Variants in PIGV observed in about 807,000 individuals in gnomAD.
The protein encoded by PIGV is phosphatidylinositol glycan anchor biosynthesis class V.
A neutral mutation model predicts 39.2 loss-of-function variants in PIGV; 27 were observed. That is an observed-to-expected ratio of 0.69 (90% CI 0.51 to 0.95). PIGV has a LOEUF of 0.95. Among genes scored for constraint, PIGV ranks in the 40% least tolerant of loss-of-function variants. PIGV has a pLI of 0.00. For missense variants in PIGV, 523 were observed against 586.4 expected (o/e 0.89, Z 1.12); for synonymous variants, 232 against 241.7 (o/e 0.96, Z 0.37).
At chr1:26,793,992 A>T in intron 2 of PIGV, 121 bp from the exon 3 acceptor site, 1 of 915,982 alleles carries the variant, frequency 1.1e-6, no homozygotes, top group Non-Finnish European at 1.8e-6. Context: ...TAATCCTCCC[A>T]TCTCAGCCTG....
intron 1 of PIGV, among the ~76,000 whole-genome samples, chr1:26,789,867 T>C (rs1193869842): frequency 6.6e-6 from 1 of 152,244 alleles, no homozygotes; most frequent in Non-Finnish European, 1.5e-5. Flanking sequence ...TGCTTTTGCT[T>C]TCCTTTCAAA....
chr1:26,794,322 G>A lies in PIGV; in HGVS notation c.288G>A (p.Leu96=). The change falls in exon 3 of 4, where the codon CTG becomes CTA. Residue 96 remains leucine, a synonymous_variant. Coordinates refer to ENST00000674202, the MANE Select transcript of PIGV (RefSeq NM_017837.4). ...AFFPGFPLAL[L]VGTELLRPLR... ...TTCCTGGTTTCCCCTTGGCCCTGCT[G>A]GTGGGGACTGAACTGTTGAGACCCT... The A allele has an allele frequency of 6.2e-7, 1 of 1,614,130 alleles. No individual in the cohort carries two copies. The highest frequency in any genetic ancestry group is 1.3e-5 in the African/African-American group (1 of 75,050).
intron 3 of PIGV, among the ~76,000 whole-genome samples, chr1:26,796,084 T>C (rs1444492155): frequency 1.3e-5 from 2 of 151,608 alleles, no homozygotes; most frequent in Non-Finnish European, 2.9e-5. Context: ...GGTCTCGAAA[T>C]CCTGACCTCA....
chr1:26,787,597 G>A (rs1430583661), upstream of PIGV: 1 of 152,306 alleles, frequency 6.6e-6, no homozygotes, highest in Non-Finnish European at 1.5e-5. Context: ...ACAGCAGGAA[G>A]AGCGCGGCTC....
rs757152471 is a variant in PIGV, at chr1:26,794,277, T to G, written c.243T>G (p.Tyr81Ter). 6.2e-7 allele frequency: 1 copy of G among 1,614,250 alleles called. No homozygotes were observed. The highest frequency in any genetic ancestry group is 8.5e-7 in the Non-Finnish European group (1 of 1,180,048). The change falls in exon 3 of 4, where the codon TAT becomes TAG. Residue 81 changes from tyrosine to a stop codon, truncating the protein, a stop_gained. Coordinates refer to ENST00000674202, the MANE Select transcript of PIGV (RefSeq NM_017837.4). LOFTEE classifies it high-confidence loss of function. ...TCATTGCTGAGCATGGCTACCTGTA[T>G]GAGCACAACTTTGCCTTCTTTCCTG... ...FLFIAEHGYLYEHNFAFFPGF... is the reference protein window; with the variant it reads ...FLFIAEHGYL
Position 26,794,217 on chromosome 1 carries a change from C to A in PIGV, c.183C>A (p.Gly61=). Reference sequence around the variant, plus strand: ...ACCAACTCGTGGAAGGTCTTCTGGGCGGCCTGTCTCACTGGGATGCTGAAC... The same window carrying A: ...ACCAACTCGTGGAAGGTCTTCTGGGAGGCCTGTCTCACTGGGATGCTGAAC... ...FVDQLVEGLL[G]GLSHWDAEHF... Residue 61 remains glycine, a synonymous_variant, in exon 3 of 4, where the codon GGC becomes GGA. Transcript: ENST00000674202. 2 of 1,614,188 alleles carry A rather than the reference C, an allele frequency of 1.2e-6. No individual in the cohort carries two copies. The highest frequency in any genetic ancestry group is 1.7e-6 in the Non-Finnish European group (2 of 1,180,038).
chr1:26,794,670 C>T lies in PIGV; in HGVS notation c.636C>T (p.Phe212=). 6.2e-7 allele frequency: 1 copy of T among 1,614,228 alleles called. No homozygotes were observed. Among genetic ancestry groups the T allele is most frequent in the African/African-American group, 1.3e-5 (1 of 75,054 alleles). The change falls in exon 3 of 4, where the codon TTC becomes TTT. Residue 212 remains phenylalanine (F), a synonymous_variant. Coordinates refer to ENST00000674202, the MANE Select transcript of PIGV (RefSeq NM_017837.4). Reference sequence around the variant, plus strand: ...CCAACGGGCTGGTCAGTGTTGGCTTCCTCATGCATTCTCAATGCCAAGGCT... The same window carrying T: ...CCAACGGGCTGGTCAGTGTTGGCTTTCTCATGCATTCTCAATGCCAAGGCT... ...VRSNGLVSVG[F]LMHSQCQGFF...
In PIGV at chr1:26,798,526, C is replaced by T. The variant is rs2081415588; in HGVS notation, c.*682C>T. The T allele has an allele frequency of 6.5e-6, 1 of 152,824 alleles. No individual in the cohort carries two copies. The highest frequency in any genetic ancestry group is 2.4e-5 in the African/African-American group (1 of 41,434). The allele number at this position is 152,824 out of a possible 1,614,324, so 9.5% of individuals were successfully genotyped here. ...AGGAGTTTGAGACCGGCCTGGCCAA[C>T]ATGGCAAAACCCCGTCTCTACTAAA... is the stretch of plus-strand genomic sequence containing the variant. On this transcript the variant is annotated 3_prime_UTR_variant, in exon 4 of 4. Coordinates refer to ENST00000674202, the MANE Select transcript of PIGV (RefSeq NM_017837.4).
rs2081436778 is a variant in PIGV at position 26,800,463 on chromosome 1, T to C, written c.*2619T>C. 6.6e-6 allele frequency among the ~76,000 whole-genome samples: 1 copy of C among 152,188 alleles called. No homozygotes were observed. Reference sequence around the variant, plus strand: ...TAGAAGTAGATGCTTTTTTTTGTTCTTTAATGAAGGTGGGAGGAGAGTGTT... The same window carrying C: ...TAGAAGTAGATGCTTTTTTTTGTTCCTTAATGAAGGTGGGAGGAGAGTGTT... On this transcript the variant is annotated 3_prime_UTR_variant, in exon 4 of 4. Transcript: ENST00000674202.
In PIGV at chr1:26,794,607, T is replaced by C; in HGVS notation, c.573T>C (p.Thr191=). 6.2e-7 allele frequency: 1 copy of C among 1,614,248 alleles called. No individual in the cohort carries two copies. The highest frequency in any genetic ancestry group is 2.2e-5 in the East Asian group (1 of 44,886). Residue 191 remains threonine, a synonymous_variant, in exon 3 of 4, where the codon ACT becomes ACC. Transcript: ENST00000674202. The part of the protein sequence containing the change: ...MGQLERGRVW[T]SVLLFAFATG... ...AGCTGGAGAGGGGCCGAGTCTGGACTAGTGTACTCCTCTTTGCCTTTGCCA... is the reference window on the plus strand; with the variant it reads ...AGCTGGAGAGGGGCCGAGTCTGGACCAGTGTACTCCTCTTTGCCTTTGCCA...
Position 26,797,921 on chromosome 1 carries a change from T to C in PIGV, c.*77T>C, listed in dbSNP as rs1429687891. 8.4e-7 allele frequency: 1 copy of C among 1,193,286 alleles called. No homozygotes were observed. Among genetic ancestry groups the C allele is most frequent in the Non-Finnish European group, 1.3e-6 (1 of 799,420 alleles). 73.9% of individuals were successfully genotyped at this position (1,193,286 alleles called of 1,614,324 possible). A position where few individuals can be genotyped will look rare whatever the true frequency, so the allele number is the denominator to read the frequency against. ...AGTAAAAATACACATTGGAACTGCC[T>C]CTGCTGCCCTGGGATCATTACTGTG... On this transcript the variant is annotated 3_prime_UTR_variant, in exon 4 of 4. Coordinates refer to ENST00000674202, the MANE Select transcript of PIGV (RefSeq NM_017837.4).
rs756422269 is a variant in PIGV, at chr1:26,794,910, A to G, written c.876A>G (p.Glu292=). 5 of 1,614,194 alleles carry G rather than the reference A, an allele frequency of 3.1e-6. No homozygotes were observed. In the Admixed American group the frequency reaches 8.3e-5, roughly 27 times the overall value. The change falls in exon 3 of 4, where the codon GAA becomes GAG. Residue 292 remains glutamate (E), a synonymous_variant. Transcript: ENST00000674202. ...GCTACCGGATTGCAGAGGGAAATGAACCGCCTTGGTGCTTCTGGGATGTTC... is the reference window on the plus strand; with the variant it reads ...GCTACCGGATTGCAGAGGGAAATGAGCCGCCTTGGTGCTTCTGGGATGTTC... ...DKGYRIAEGN[E]PPWCFWDVPL... is the part of the protein sequence containing the mutation.
At chr1:26,794,074 G>T (rs961119464) in intron 2 of PIGV, 39 bp from the exon 3 acceptor site, 4 of 1,591,398 alleles carry the variant, frequency 2.5e-6, no homozygotes, top group Non-Finnish European at 3.4e-6. Flanking sequence ...TTTTCTTCCA[G>T]TTACTCAACC....
intron 1 of PIGV, among the ~76,000 whole-genome samples, chr1:26,789,604 G>A (rs749256363): frequency 9.9e-5 from 15 of 152,204 alleles, no homozygotes; most frequent in Non-Finnish European, 1.9e-4. Flanking sequence ...TAGTTGTGAT[G>A]TAAAGCCCCT....
chr1:26,797,496 G>C (rs1459236211), intron 3 of PIGV, 67 bp from the exon 4 acceptor site: 1 of 1,362,538 alleles, frequency 7.3e-7, no homozygotes, highest in Admixed American at 1.7e-5. Context: ...GAAGTCCCCG[G>C]GCTGGTCCAA....
At position 26,788,425 on chromosome 1, in the gene PIGV, G is replaced by A. The variant is rs544481758; in HGVS notation, c.-58+157G>A. ...AGCGACTTCTCCAGCCTGCGCAGGG[G>A]GTGTTAGTCTTACCCAGAGGGTCCA... On this transcript the variant is annotated intron_variant, in intron 1 of 3. Coordinates refer to ENST00000674202, the MANE Select transcript of PIGV (RefSeq NM_017837.4). The A allele has an allele frequency of 4.9e-4, 75 of 152,464 alleles. 2 individuals are homozygous for A. Among genetic ancestry groups the A allele is most frequent in the African/African-American group, 1.6e-3 (67 of 41,594 alleles). The allele number at this position is 152,464 out of a possible 1,614,324, so 9.4% of individuals were successfully genotyped here.
Position 26,798,570 on chromosome 1 carries a change from G to A in PIGV, c.*726G>A, listed in dbSNP as rs1249400031. Among the ~76,000 whole-genome samples, 3 of 152,218 alleles carry A rather than the reference G, an allele frequency of 2.0e-5. No individual in the cohort carries two copies. The highest frequency in any genetic ancestry group is 1.5e-5 in the Non-Finnish European group (1 of 68,050). On this transcript the variant is annotated 3_prime_UTR_variant, in exon 4 of 4. Transcript: ENST00000674202. ...TACTAAAAATACAAAAATTAGCCGT[G>A]CATGATGGTACACACCTGTAATCCT... is the stretch of plus-strand genomic sequence containing the variant.
chr1:26,792,888 TG>T (rs2124188810), intron 2 of PIGV, among the ~76,000 whole-genome samples: 1 of 152,354 alleles, frequency 6.6e-6, no homozygotes, highest in African/African-American at 2.4e-5. Context: ...GTGTGAGTTC[TG>T]GGGAAAGGGT....
In PIGV at chr1:26,796,490, G is replaced by A. The variant is rs148578577; in HGVS notation, c.1201-1073G>A. ...GCAAGATTTTTTTTTTTAAAGCTCA[G>A]ATAAAGTATTATGGAGGCGAAGAAG... On this transcript the variant is annotated intron_variant, in intron 3 of 3. Transcript: ENST00000674202. Among the ~76,000 whole-genome samples, 406 of 152,108 alleles carry A rather than the reference G, an allele frequency of 2.7e-3. 2 individuals are homozygous for A. Among genetic ancestry groups the A allele is most frequent in the African/African-American group, 9.0e-3 (374 of 41,492 alleles).
Sources: allele counts gnomAD v4.1 joint callset (sites outside exome capture counted in the v4.1 genomes callset), GRCh38; gene constraint gnomAD v4.1.1; transcripts MANE v1.5; gene names NCBI Gene and HGNC (gene_info 2026-07-23, HGNC 2026-07-21).